Variants in USP50 observed in about 807,000 individuals in gnomAD.
USP50 encodes the protein ubiquitin carboxyl-terminal hydrolase 50.
A neutral mutation model predicts 39.2 loss-of-function variants in USP50; 37 were observed. The observed-to-expected ratio is 0.94, with a 90% CI of 0.73 to 1.24. The LOEUF (loss-of-function observed/expected upper bound fraction) is 1.24. Ranked by LOEUF, USP50 falls within the 50% of genes most tolerant of loss-of-function variation. USP50 has a pLI of 0.00. For missense variants in USP50, 374 were observed against 398.2 expected, an observed-to-expected ratio of 0.94 and a Z score of 0.52; for synonymous variants, 139 against 144.5, an observed-to-expected ratio of 0.96 and a Z score of 0.27.
At chr15:50,519,055 C>T (rs777375998) in intron 6 of USP50, among the ~76,000 whole-genome samples, 19 of 149,922 alleles carry the variant, frequency 1.3e-4, no homozygotes, top group Non-Finnish European at 2.1e-4. Flanking sequence ...GGGAGGCAGA[C>T]GCGGGCGAAT....
intron 6 of USP50, chr15:50,505,562 A>G (rs1324137720): frequency 6.6e-6 from 1 of 152,232 alleles, no homozygotes; most frequent in East Asian, 1.9e-4. Flanking sequence ...GTGATACATA[A>G]TAGACAGTGA....
At chr15:50,494,183 T>C in intron 1 of USP50, 1 of 1,613,884 alleles carries the variant, frequency 6.2e-7, no homozygotes, top group Non-Finnish European at 8.5e-7. Flanking sequence ...AAAATCACCA[T>C]TGGGAAGATC....
chr15:50,506,615 G>C (rs2141345376), intron 6 of USP50: 1 of 152,228 alleles, frequency 6.6e-6, no homozygotes, highest in Middle Eastern at 3.4e-3. Context: ...TTTATTACTA[G>C]TTGAAATATA....
chr15:50,544,679 T>C lies in USP50; in HGVS notation c.156A>G (p.Thr52=), dbSNP rs780632867. 6.2e-7 allele frequency: 1 copy of C among 1,613,920 alleles called. No individual in the cohort carries two copies. The highest frequency in any genetic ancestry group is 1.3e-5 in the African/African-American group (1 of 75,026). The change falls in exon 2 of 7, where the codon ACA becomes ACG. Residue 52 remains threonine (T), a synonymous_variant. Transcript: ENST00000532404. ...ACTGTGAGATGGCATTCACGCAGCA[T>C]GTGTTGCCCAAGTTCCACAAGCCAG... ...GVTGLWNLGN[T]CCVNAISQCL... is the part of the protein sequence containing the mutation.
At chr15:50,534,971 T>C (rs2052968228) in intron 5 of USP50, among the ~76,000 whole-genome samples, 1 of 151,950 alleles carries the variant, frequency 6.6e-6, no homozygotes, top group African/African-American at 2.4e-5. Flanking sequence ...CTAAACCCTG[T>C]CTCTACTAAA....
chr15:50,498,785 T>G, downstream of USP50: 1 of 1,563,006 alleles, frequency 6.4e-7, no homozygotes, highest in South Asian at 1.2e-5. Flanking sequence ...AAAAAAAGTT[T>G]TAAGTGGTTT....
chr15:50,514,777 C>T (rs2052786614), intron 6 of USP50, among the ~76,000 whole-genome samples: 1 of 151,950 alleles, frequency 6.6e-6, no homozygotes, highest in Admixed American at 6.6e-5. Flanking sequence ...ATCTGCTTGC[C>T]TCAGCCTCCC....
At chr15:50,530,868 G>C (rs577623897) in intron 5 of USP50, among the ~76,000 whole-genome samples, 6 of 152,152 alleles carry the variant, frequency 3.9e-5, no homozygotes, top group Non-Finnish European at 7.4e-5. Context: ...AACCAAGCTA[G>C]CTCAGCTTTT....
intron 6 of USP50, among the ~76,000 whole-genome samples, chr15:50,525,019 T>C (rs2052877411): frequency 6.6e-6 from 1 of 152,156 alleles, no homozygotes; most frequent in African/African-American, 2.4e-5. Context: ...AGTCAAGATA[T>C]GGAATCAAAC....
intron 5 of USP50, chr15:50,532,230 G>A (rs1213149810): frequency 4.4e-6 from 2 of 456,204 alleles, no homozygotes; most frequent in Non-Finnish European, 8.8e-6. Context: ...TCATGCTTCT[G>A]GCAAGAAGAA....
At chr15:50,533,987 G>A (rs1342826018) in intron 5 of USP50, among the ~76,000 whole-genome samples, 3 of 152,046 alleles carry the variant, frequency 2.0e-5, no homozygotes, top group Admixed American at 1.3e-4. Context: ...GCAACAGAGT[G>A]AGACTCCATC....
downstream of USP50, among the ~76,000 whole-genome samples, chr15:50,496,648 ATAAGT>A (rs946788059): frequency 1.3e-5 from 2 of 152,178 alleles, no homozygotes; most frequent in African/African-American, 4.8e-5. Flanking sequence ...AAAAAGTTTT[ATAAGT>A]TAATTTGGAA....
At chr15:50,500,399 C>CTA, downstream of USP50, 1 of 168,978 alleles carries the variant, frequency 5.9e-6, no homozygotes, top group African/African-American at 2.4e-5. Context: ...CCTGAACTCA[C>CTA]TATATAATTG....
chr15:50,543,697 A>G lies in USP50; in HGVS notation c.345T>C (p.Ala115=). The G allele has an allele frequency of 6.2e-7, 1 of 1,612,802 alleles. No individual in the cohort carries two copies. Among genetic ancestry groups the G allele is most frequent in the East Asian group, 2.2e-5 (1 of 44,868 alleles). The change falls in exon 3 of 7, where the codon GCT becomes GCC. Residue 115 remains alanine, a synonymous_variant. Transcript: ENST00000532404. Reference sequence around the variant, plus strand: ...TAAATGCTGGGTAGAGGTTGCCAAGAGCTGACCAGAATATTTCTGGTGAGA... The same window carrying G: ...TAAATGCTGGGTAGAGGTTGCCAAGGGCTGACCAGAATATTTCTGGTGAGA... ...DCVSPEIFWS[A]LGNLYPAFTK...
chr15:50,525,298 G>T (rs2052879448), intron 6 of USP50, among the ~76,000 whole-genome samples: 1 of 151,902 alleles, frequency 6.6e-6, no homozygotes. Flanking sequence ...TTGGTCAAAG[G>T]GTATAAAGTT....
intron 6 of USP50, among the ~76,000 whole-genome samples, chr15:50,528,839 A>C (rs943141575): frequency 6.6e-6 from 1 of 152,204 alleles, no homozygotes; most frequent in Non-Finnish European, 1.5e-5. Context: ...GGCAAATTAG[A>C]CTTCGGTGGA....
At chr15:50,543,951 C>T in intron 2 of USP50, 158 bp from the exon 3 acceptor site, 1 of 675,282 alleles carries the variant, frequency 1.5e-6, no homozygotes, top group Non-Finnish European at 2.6e-6. Flanking sequence ...TAGCTTGAGC[C>T]CCCAGAAGGT....
chr15:50,502,740 C>T (rs2052609188), intron 6 of USP50: 1 of 152,262 alleles, frequency 6.6e-6, no homozygotes, highest in Non-Finnish European at 1.5e-5. Context: ...ACAAGCAGTC[C>T]TCTCACTTCA....
At chr15:50,541,803 T>A (rs2053031951) in intron 3 of USP50, among the ~76,000 whole-genome samples, 4 of 152,122 alleles carry the variant, frequency 2.6e-5, no homozygotes, top group South Asian at 4.1e-4. Context: ...TAGCATTAGT[T>A]CACTCAAGCA....
Sources: gnomAD v4.1 joint callset for allele counts (sites outside exome capture counted in the v4.1 genomes callset) on GRCh38, gnomAD v4.1.1 for gene constraint, MANE v1.5 for transcripts, NCBI Gene and HGNC (gene_info 2026-07-23, HGNC 2026-07-21) for gene names.